Variants in C8orf34 observed in about 807,000 individuals in gnomAD.
The protein encoded by C8orf34 is uncharacterized protein C8orf34.
Under a neutral mutation model 68.3 loss-of-function variants are expected in C8orf34, and 65 were observed. The observed-to-expected ratio is 0.95, with a 90% CI of 0.78 to 1.17. The LOEUF is 1.17. Ranked by LOEUF, C8orf34 falls within the 50% of genes most tolerant of loss-of-function variation. The probability of loss-of-function intolerance (pLI) is 0.00; values close to 1 mark genes in which losing one functional copy is unlikely to be tolerated. For synonymous variants in C8orf34, 244 were observed against 241.2 expected (o/e 1.01, Z -0.11); for missense variants, 664 against 655.4 (o/e 1.01, Z -0.14).
rs117907546 is a variant in C8orf34 at position 68,337,296 on chromosome 8, A to T, written c.327+5957A>T. Among the ~76,000 whole-genome samples, 1,014 of 152,312 alleles carry T rather than the reference A, an allele frequency of 6.7e-3. 13 individuals are homozygous for T. Among genetic ancestry groups the T allele is most frequent in the Middle Eastern group, 0.031 (9 of 294 alleles). The stretch of plus-strand genomic sequence containing the variant: ...AGCAATATTGTATGCCCATGATAGG[A>T]TGCATTTAAAACAACACAGCATTGT... On this transcript the variant is annotated intron_variant, in intron 1 of 13. Transcript: ENST00000518698.
chr8:68,570,042 C>T (rs570160602), intron 7 of C8orf34, among the ~76,000 whole-genome samples: 5 of 152,284 alleles, frequency 3.3e-5, no homozygotes, highest in African/African-American at 7.2e-5. Context: ...CTTTTTCATG[C>T]TCTTATATTC....
At chr8:68,506,509 T>A (rs7821720) in intron 5 of C8orf34, among the ~76,000 whole-genome samples, 30,519 of 152,190 alleles carry the variant, frequency 0.2, 4,313 homozygotes, top group African/African-American at 0.4. Flanking sequence ...ATGCAGTTTC[T>A]TAATTTTTAA....
chr8:68,479,098 A>G (rs1236881989), intron 4 of C8orf34, among the ~76,000 whole-genome samples: 1 of 152,156 alleles, frequency 6.6e-6, no homozygotes, highest in Non-Finnish European at 1.5e-5. Context: ...GAAAAGATGC[A>G]ATTTGACTTG....
At chr8:68,703,003 T>A (rs936404261) in intron 8 of C8orf34, among the ~76,000 whole-genome samples, 1 of 152,162 alleles carries the variant, frequency 6.6e-6, no homozygotes, top group Non-Finnish European at 1.5e-5. Flanking sequence ...TCTCATAACA[T>A]CACCAAGCAA....
At chr8:68,478,105 A>G (rs566556283) in intron 4 of C8orf34, among the ~76,000 whole-genome samples, 3 of 152,272 alleles carry the variant, frequency 2.0e-5, no homozygotes, top group South Asian at 4.1e-4. Flanking sequence ...AGCTGGTTTG[A>G]ATTTCTTCCC....
chr8:68,447,815 A>C (rs1811185545), intron 3 of C8orf34: 1 of 152,174 alleles, frequency 6.6e-6, no homozygotes, highest in Non-Finnish European at 1.5e-5. Context: ...GTTCTTCAGA[A>C]ATTGTGATTG....
intron 5 of C8orf34, among the ~76,000 whole-genome samples, chr8:68,511,270 C>A (rs1004366738): frequency 6.6e-6 from 1 of 152,170 alleles, no homozygotes; most frequent in Non-Finnish European, 1.5e-5. Context: ...ATGGTGAGAG[C>A]ACACCTGAAC....
chr8:68,797,456 A>G (rs796734277), intron 12 of C8orf34, among the ~76,000 whole-genome samples: 64 of 151,774 alleles, frequency 4.2e-4, no homozygotes, highest in African/African-American at 1.5e-3. Flanking sequence ...TGATGCTATG[A>G]CTCCTGAGAG....
intron 8 of C8orf34, among the ~76,000 whole-genome samples, chr8:68,706,831 C>A (rs756747177): frequency 1.3e-5 from 2 of 152,108 alleles, no homozygotes; most frequent in Non-Finnish European, 2.9e-5. Context: ...TATACATAAT[C>A]CTGTGCTATC....
intron 4 of C8orf34, among the ~76,000 whole-genome samples, chr8:68,477,172 G>C (rs187746301): frequency 2.2e-3 from 330 of 152,306 alleles, no homozygotes; most frequent in South Asian, 5.4e-3. Context: ...TATTATTGGT[G>C]CATGAAGGGT....
chr8:68,636,838 G>A (rs1295735585), intron 7 of C8orf34, among the ~76,000 whole-genome samples: 1 of 152,090 alleles, frequency 6.6e-6, no homozygotes, highest in Non-Finnish European at 1.5e-5. Flanking sequence ...GGAATTCAAT[G>A]TACCAGCATC....
At chr8:68,595,536 A>G (rs1194923947) in intron 7 of C8orf34, among the ~76,000 whole-genome samples, 1 of 151,842 alleles carries the variant, frequency 6.6e-6, no homozygotes, top group African/African-American at 2.4e-5. Context: ...TTTCCCTGTA[A>G]TGTTTCTTCT....
At chr8:68,375,202 T>C (rs769067128) in intron 1 of C8orf34, among the ~76,000 whole-genome samples, 3 of 152,226 alleles carry the variant, frequency 2.0e-5, no homozygotes, top group Non-Finnish European at 2.9e-5. Flanking sequence ...CTTTTTGACA[T>C]GGGCTTTGCT....
chr8:68,601,285 A>T (rs1375070312), intron 7 of C8orf34, among the ~76,000 whole-genome samples: 1 of 152,018 alleles, frequency 6.6e-6, no homozygotes, highest in Non-Finnish European at 1.5e-5. Context: ...CCATAGGTTT[A>T]TGTTTCTCAA....
In C8orf34 at chr8:68,488,346, AATT is replaced by A. The variant is rs371682628; in HGVS notation, c.765+299_765+301del. On this transcript the variant is annotated intron_variant, in intron 5 of 13. Transcript: ENST00000518698. ...TAACTTCATAACACTATATTATGTA[AATT>A]ATTTTATTCCACTTGTATCTAAATG... 1.6e-4 allele frequency among the ~76,000 whole-genome samples: 25 copies of A among 152,332 alleles called. No individual in the cohort carries two copies. In the East Asian group the frequency reaches 4.2e-3, roughly 26 times the overall value.
In C8orf34 at chr8:68,458,240, T is replaced by C. The variant is rs188275079; in HGVS notation, c.608-10452T>C. 2.0e-3 allele frequency among the ~76,000 whole-genome samples: 299 copies of C among 152,314 alleles called. 1 individual carries two copies. Among genetic ancestry groups the C allele is most frequent in the African/African-American group, 7.0e-3 (292 of 41,562 alleles). On this transcript the variant is annotated intron_variant, in intron 3 of 13. Transcript: ENST00000518698. Reference sequence around the variant, plus strand: ...TTAATTAGTTCTCTATTGTGCAGCATATAATTTTCCCAAAACTCAGTGGCT... The same window carrying C: ...TTAATTAGTTCTCTATTGTGCAGCACATAATTTTCCCAAAACTCAGTGGCT...
At chr8:68,784,814 G>GTA (rs1563668189) in intron 11 of C8orf34, among the ~76,000 whole-genome samples, 6 of 150,942 alleles carry the variant, frequency 4.0e-5, no homozygotes, top group Non-Finnish European at 8.9e-5. Flanking sequence ...GTGTGTGTGT[G>GTA]TGTGTGTGTG....
intron 1 of C8orf34, among the ~76,000 whole-genome samples, chr8:68,390,023 T>C (rs1808417081): frequency 6.6e-6 from 1 of 152,168 alleles, no homozygotes; most frequent in Non-Finnish European, 1.5e-5. Flanking sequence ...ACCATCACTA[T>C]TGGAAGAAAG....
chr8:68,670,045 A>T lies in C8orf34; in HGVS notation c.1241+29534A>T, dbSNP rs988977741. 1.9e-4 allele frequency among the ~76,000 whole-genome samples: 29 copies of T among 152,162 alleles called. 1 individual carries two copies. The highest frequency in any genetic ancestry group is 1.9e-3 in the Admixed American group (29 of 15,274). On this transcript the variant is annotated intron_variant, in intron 8 of 13. Transcript: ENST00000518698. ...ATGATGGAGTTTCTATATGAACAGCATGCTGCTAGCCTCCCTGGTCAGCAG... is the reference window on the plus strand; with the variant it reads ...ATGATGGAGTTTCTATATGAACAGCTTGCTGCTAGCCTCCCTGGTCAGCAG...
Sources: allele counts gnomAD v4.1 joint callset (sites outside exome capture counted in the v4.1 genomes callset), GRCh38; gene constraint gnomAD v4.1.1; transcripts MANE v1.5; gene names NCBI Gene and HGNC (gene_info 2026-07-23, HGNC 2026-07-21).